Variants in PHF11 observed in about 807,000 individuals in gnomAD.
The protein encoded by PHF11 is PHD finger protein 11, also known as BRCA1 C-terminus-associated protein.
PHF11 carries 38 observed loss-of-function variants against 40.5 expected under a neutral mutation model. That is an observed-to-expected ratio of 0.94 (90% CI 0.72 to 1.23). PHF11 has a LOEUF of 1.23. Ranked by LOEUF, PHF11 falls within the 50% of genes most tolerant of loss-of-function variation. The pLI is 0.00. For missense variants in PHF11, 369 were observed against 392.4 expected (o/e 0.94, Z 0.50); for synonymous variants, 127 against 138.2 (o/e 0.92, Z 0.57).
Position 49,520,902 on chromosome 13 carries a change from G to C in PHF11, c.467G>C (p.Cys156Ser). The part of the protein sequence containing the change: ...DGVRGIYKLL[C>S]QQHAQFPIIA... ...GAAATTAAATATTTCAGACTGCTTTGCCAGCAACATGCTCAATTCCCGATC... is the reference window on the plus strand; with the variant it reads ...GAAATTAAATATTTCAGACTGCTTTCCCAGCAACATGCTCAATTCCCGATC... The change falls in exon 5 of 10, where the codon TGC (cysteine) becomes TCC (serine). Residue 156 changes from cysteine (C) to serine (S), a missense_variant. Coordinates refer to ENST00000378319, the MANE Select transcript of PHF11 (RefSeq NM_001040443.3). 1 of 1,575,754 alleles carries C rather than the reference G, an allele frequency of 6.3e-7. No individual in the cohort carries two copies. The highest frequency in any genetic ancestry group is 8.7e-7 in the Non-Finnish European group (1 of 1,152,428).
intron 8 of PHF11, 94 bp from the exon 9 acceptor site, chr13:49,526,293 T>A (rs1452917823): frequency 1.3e-6 from 1 of 780,316 alleles, no homozygotes; most frequent in Non-Finnish European, 2.2e-6. Context: ...ATGACTGCTC[T>A]CTTTCCTTTC....
chr13:49,526,168 CAAAAAAAA>C (rs10573458), intron 8 of PHF11: 118 of 341,194 alleles, frequency 3.5e-4, no homozygotes, highest in South Asian at 1.5e-3. Flanking sequence ...GATTCTGTCT[CAAAAAAAA>C]AAAAAAAAAA....
chr13:49,521,158 T>G, intron 5 of PHF11: 8 of 1,205,238 alleles, frequency 6.6e-6, no homozygotes, highest in Non-Finnish European at 8.2e-6. Context: ...TTTGAACCAT[T>G]CCCTGGTATC....
At chr13:49,519,051 G>A (rs372038827) in intron 4 of PHF11, among the ~76,000 whole-genome samples, 35 of 152,060 alleles carry the variant, frequency 2.3e-4, no homozygotes, top group African/African-American at 8.4e-4. Flanking sequence ...TAGCCAGGAT[G>A]GTCTCAATCT....
At chr13:49,496,221 T>A in intron 1 of PHF11, 126 bp downstream of exon 1, 1 of 667,604 alleles carries the variant, frequency 1.5e-6, no homozygotes, top group Non-Finnish European at 2.1e-6. Context: ...GCCGGGGCCC[T>A]AGACGCCGGG....
chr13:49,515,446 C>T (rs1394481760), intron 3 of PHF11, among the ~76,000 whole-genome samples: 1 of 142,946 alleles, frequency 7.0e-6, no homozygotes, highest in Non-Finnish European at 1.5e-5. Context: ...AGTACAGTTC[C>T]ATCTCCTATA....
At chr13:49,525,768 T>A (rs1331523073) in intron 8 of PHF11, 1 of 456,284 alleles carries the variant, frequency 2.2e-6, no homozygotes, top group Admixed American at 2.4e-5. Context: ...ATTTATTTCC[T>A]CTAGACCAAG....
intron 8 of PHF11, chr13:49,526,038 G>A (rs1959255458): frequency 5.1e-5 from 17 of 331,228 alleles, no homozygotes; most frequent in South Asian, 4.4e-4. Context: ...GCGTGGCGGT[G>A]CGCGCCTGCA....
At chr13:49,498,725 A>C (rs1024548807) in intron 1 of PHF11, among the ~76,000 whole-genome samples, 1 of 152,252 alleles carries the variant, frequency 6.6e-6, no homozygotes, top group Non-Finnish European at 1.5e-5. Flanking sequence ...AATAGAGACA[A>C]GGACAAGAGA....
At position 49,528,577 on chromosome 13, in the gene PHF11, T is replaced by C; in HGVS notation, c.908T>C (p.Leu303Pro). The C allele has an allele frequency of 6.2e-7, 1 of 1,612,450 alleles. No homozygotes were observed. Among genetic ancestry groups the C allele is most frequent in the Non-Finnish European group, 8.5e-7 (1 of 1,178,570 alleles). ...WQQLKEEIEL[L>P]QDLKQTLCSF... is the part of the protein sequence containing the mutation. ...CAGTTGAAGGAAGAGATTGAGCTAC[T>C]TCAGGACTTAAAACAAACCTTGTGC... is the stretch of plus-strand genomic sequence containing the variant. Residue 303 changes from leucine (L) to proline (P), a missense_variant, in exon 10 of 10, where the codon CTT (leucine) becomes CCT (proline). By Grantham distance (98) the Leu-to-Pro change is moderately conservative. Transcript: ENST00000378319.
chr13:49,506,839 C>A, intron 2 of PHF11, 83 bp downstream of exon 2: 6 of 771,126 alleles, frequency 7.8e-6, no homozygotes, highest in Admixed American at 3.4e-5. Flanking sequence ...ACACTTTGGA[C>A]ACAAAGAATA....
At chr13:49,514,310 C>G (rs1289274490) in intron 3 of PHF11, among the ~76,000 whole-genome samples, 2 of 152,158 alleles carry the variant, frequency 1.3e-5, no homozygotes, top group African/African-American at 4.8e-5. Context: ...TAGGTAAACT[C>G]CCAGCTATAG....
chr13:49,506,103 C>A (rs1958983410), intron 1 of PHF11, among the ~76,000 whole-genome samples: 1 of 152,024 alleles, frequency 6.6e-6, no homozygotes, highest in African/African-American at 2.4e-5. Flanking sequence ...GAATAAAGGT[C>A]TTCCTCATTT....
chr13:49,501,004 TTTTTTTTTTTTGG>T (rs1472685108), intron 1 of PHF11, among the ~76,000 whole-genome samples: 35 of 121,518 alleles, frequency 2.9e-4, no homozygotes, highest in Non-Finnish European at 3.9e-4. Flanking sequence ...ACTTTTGTTT[TTTTTTTTTTTTGG>T]TTTTTTTTTT....
intron 9 of PHF11, among the ~76,000 whole-genome samples, chr13:49,527,761 A>G (rs1179655770): frequency 1.3e-5 from 2 of 152,214 alleles, no homozygotes; most frequent in African/African-American, 4.8e-5. Context: ...GTGGGAGTAC[A>G]TATATTATAG....
intron 4 of PHF11, among the ~76,000 whole-genome samples, chr13:49,519,145 T>C (rs555762594): frequency 6.6e-6 from 1 of 152,078 alleles, no homozygotes; most frequent in African/African-American, 2.4e-5. Context: ...TAAATAATTT[T>C]AAATCTGATT....
intron 8 of PHF11, among the ~76,000 whole-genome samples, chr13:49,524,562 C>T (rs1181786383): frequency 1.3e-5 from 2 of 151,764 alleles, no homozygotes; most frequent in Non-Finnish European, 2.9e-5. Context: ...GCAGCCTCTG[C>T]CTCCCAAGTT....
intron 8 of PHF11, chr13:49,526,168 C>CAAAA (rs10573458): frequency 2.1e-5 from 7 of 341,222 alleles, no homozygotes; most frequent in Non-Finnish European, 3.2e-5. Context: ...GATTCTGTCT[C>CAAAA]AAAAAAAAAA....
intron 1 of PHF11, 133 bp downstream of exon 1, chr13:49,496,228 C>T (rs988611980): frequency 6.1e-6 from 4 of 657,780 alleles, no homozygotes; most frequent in African/African-American, 1.9e-5. Context: ...CCCTAGACGC[C>T]GGGGCGGCGC....
Sources: gnomAD v4.1 joint callset for allele counts (sites outside exome capture counted in the v4.1 genomes callset) on GRCh38, gnomAD v4.1.1 for gene constraint, MANE v1.5 for transcripts, NCBI Gene and HGNC (gene_info 2026-07-23, HGNC 2026-07-21) for gene names.